The following TPRA1 variants were observed in gnomAD, a reference collection of about 807,000 sequenced individuals.
The protein encoded by TPRA1 is transmembrane protein adipocyte associated 1, also known as transmembrane protein adipocyte-associated 1.
Under a neutral mutation model 40.1 loss-of-function variants are expected in TPRA1, and 28 were observed. The ratio of observed to expected loss-of-function variants is 0.70; its 90% CI spans 0.52 to 0.96. TPRA1 has a LOEUF of 0.96. TPRA1 is among the 40% of genes least tolerant of loss of function. The pLI, the probability that TPRA1 is intolerant of heterozygous loss-of-function variation, is 0.00. For missense variants in TPRA1, 441 were observed against 482.6 expected, an observed-to-expected ratio of 0.91 and a Z score of 0.81; for synonymous variants, 219 against 209.7, an observed-to-expected ratio of 1.04 and a Z score of -0.38.
upstream of TPRA1, among the ~76,000 whole-genome samples, chr3:127,592,782 C>T (rs2074201082): frequency 6.6e-6 from 1 of 152,258 alleles, no homozygotes; most frequent in African/African-American, 2.4e-5. Flanking sequence ...TTATAGTCTC[C>T]TGTAAACAGG....
chr3:127,577,105 C>A, intron 3 of TPRA1, 29 bp from the exon 4 acceptor site: 1 of 1,611,150 alleles, frequency 6.2e-7, no homozygotes, highest in South Asian at 1.1e-5. Context: ...GTGTGGCAGT[C>A]AGGGAACAAG....
chr3:127,591,594 T>G (rs2074170972), upstream of TPRA1, among the ~76,000 whole-genome samples: 1 of 152,188 alleles, frequency 6.6e-6, no homozygotes, highest in Non-Finnish European at 1.5e-5. Flanking sequence ...TCTACACCTG[T>G]TCCCCCGCAG....
intron 1 of TPRA1, among the ~76,000 whole-genome samples, chr3:127,589,793 A>G (rs1310912995): frequency 6.6e-6 from 1 of 152,118 alleles, no homozygotes; most frequent in Non-Finnish European, 1.5e-5. Flanking sequence ...GTCCCCTAGA[A>G]CAAGGCCTGG....
upstream of TPRA1, among the ~76,000 whole-genome samples, chr3:127,594,607 A>C (rs2107678730): frequency 6.6e-6 from 1 of 152,282 alleles, no homozygotes; most frequent in South Asian, 2.1e-4. Flanking sequence ...CTAATATGTA[A>C]ATTCAGGTGG....
chr3:127,581,968 C>T (rs1374887558), intron 1 of TPRA1, among the ~76,000 whole-genome samples: 2 of 151,438 alleles, frequency 1.3e-5, no homozygotes, highest in South Asian at 2.1e-4. Flanking sequence ...CCCGACAACA[C>T]ATCAAAGGCC....
At chr3:127,584,904 C>T (rs554793116) in intron 1 of TPRA1, among the ~76,000 whole-genome samples, 4 of 152,196 alleles carry the variant, frequency 2.6e-5, no homozygotes, top group Admixed American at 6.5e-5. Flanking sequence ...CCTCCCTTCC[C>T]GGTGGCTGGA....
intron 1 of TPRA1, among the ~76,000 whole-genome samples, chr3:127,580,914 C>T (rs2073811588): frequency 6.6e-6 from 1 of 152,204 alleles, no homozygotes; most frequent in East Asian, 1.9e-4. Context: ...GCAATGGCCA[C>T]GCTGCAGGGT....
chr3:127,584,246 C>T (rs1476935647), intron 1 of TPRA1, among the ~76,000 whole-genome samples: 2 of 149,142 alleles, frequency 1.3e-5, no homozygotes, highest in African/African-American at 4.9e-5. Flanking sequence ...TTGAGACCAG[C>T]CTGAGCAACA....
intron 10 of TPRA1, among the ~76,000 whole-genome samples, chr3:127,574,221 C>A (rs1371088568): frequency 3.3e-5 from 5 of 152,242 alleles, no homozygotes; most frequent in African/African-American, 9.6e-5. Flanking sequence ...CCAAGGGGGA[C>A]ACACTACACC....
intron 1 of TPRA1, among the ~76,000 whole-genome samples, chr3:127,584,026 C>G (rs1352951008): frequency 6.6e-6 from 1 of 151,692 alleles, no homozygotes; most frequent in Non-Finnish European, 1.5e-5. Flanking sequence ...GTGCCAGGCA[C>G]AAGTCTAGGT....
intron 1 of TPRA1, chr3:127,587,026 G>C (rs112919915): frequency 6.6e-6 from 1 of 152,190 alleles, no homozygotes; most frequent in Non-Finnish European, 1.5e-5. Flanking sequence ...TTAGGGATGC[G>C]TGACTAACCC....
intron 1 of TPRA1, among the ~76,000 whole-genome samples, chr3:127,596,917 C>T (rs147891585): frequency 1.3e-5 from 2 of 152,232 alleles, no homozygotes; most frequent in African/African-American, 4.8e-5. Context: ...GAGTTGGAGA[C>T]CAGCCTAGCT....
At chr3:127,584,358 C>G (rs1022165804) in intron 1 of TPRA1, among the ~76,000 whole-genome samples, 1 of 137,484 alleles carries the variant, frequency 7.3e-6, no homozygotes, top group Non-Finnish European at 1.5e-5. Flanking sequence ...GGAAGGATCA[C>G]TTGAGCCCAG....
chr3:127,591,806 G>A (rs929243017), upstream of TPRA1: 7 of 152,172 alleles, frequency 4.6e-5, no homozygotes, highest in African/African-American at 1.7e-4. Context: ...GCTGCAGGAT[G>A]TCCCCTGCAG....
intron 1 of TPRA1, among the ~76,000 whole-genome samples, chr3:127,584,894 C>T (rs1462282889): frequency 6.6e-6 from 1 of 152,044 alleles, no homozygotes; most frequent in Admixed American, 6.6e-5. Flanking sequence ...ATCATGCCCT[C>T]CTCCCTTCCC....
Position 127,575,325 on chromosome 3 carries a change from C to T in TPRA1, c.774-60G>A, listed in dbSNP as rs774352531. 16 of 1,588,202 alleles carry T rather than the reference C, an allele frequency of 1.0e-5. No individual in the cohort carries two copies. The Admixed American group carries it at 1.3e-4, about 13-fold the overall frequency. ...GCCCCATGCTGACTCCACACCTCCC[C>T]ATGCCCCCAGCGGGTGGACACCCTG... On this transcript the variant is annotated intron_variant, in intron 9 of 10. Transcript: ENST00000355552.
At chr3:127,575,847 G>GC in intron 7 of TPRA1, 38 bp from the exon 8 acceptor site, 3 of 1,611,528 alleles carry the variant, frequency 1.9e-6, no homozygotes, top group Non-Finnish European at 2.5e-6. Context: ...TGCTGGGGGC[G>GC]CCAGCCCAGA....
Position 127,575,197 on chromosome 3 carries a change from C to G in TPRA1, c.842G>C (p.Arg281Pro), listed in dbSNP as rs1489340596. The G allele has an allele frequency of 3.1e-6, 5 of 1,613,884 alleles. No individual in the cohort carries two copies. Among genetic ancestry groups the G allele is most frequent in the Admixed American group, 3.3e-5 (2 of 60,016 alleles). ...FAPLIYVAFLRGFFGSEPKIL... is the reference protein window; with the variant it reads ...FAPLIYVAFLPGFFGSEPKIL... ...GCCACAGACTCACCCGAAGAAGCCCCGGAGGAAAGCCACGTAGATGAGCGG... is the reference window on the plus strand; with the variant it reads ...GCCACAGACTCACCCGAAGAAGCCCGGGAGGAAAGCCACGTAGATGAGCGG... The change falls in exon 10 of 11, where the codon CGG becomes CCG. Residue 281 changes from arginine to proline, a missense_variant. Coordinates refer to ENST00000355552, the MANE Select transcript of TPRA1 (RefSeq NM_001136053.4).
chr3:127,582,657 G>C (rs890415585), intron 1 of TPRA1, among the ~76,000 whole-genome samples: 32 of 145,426 alleles, frequency 2.2e-4, no homozygotes, highest in African/African-American at 7.7e-4. Flanking sequence ...AGCTGAGATC[G>C]TGCCACTGCA....
Sources: allele counts gnomAD v4.1 joint callset (sites outside exome capture counted in the v4.1 genomes callset), GRCh38; gene constraint gnomAD v4.1.1; transcripts MANE v1.5; gene names NCBI Gene and HGNC (gene_info 2026-07-23, HGNC 2026-07-21).